CFDP1: variants seen among roughly 807,000 people sequenced by gnomAD.
CFDP1 encodes the protein heterochromatin-stabilizing protein CFDP1.
In CFDP1, 31 loss-of-function variants were observed where a neutral mutation model predicts 40.1. The ratio of observed to expected loss-of-function variants is 0.77; its 90% CI spans 0.58 to 1.04. The LOEUF (loss-of-function observed/expected upper bound fraction) is 1.04, where lower values mean the gene tolerates loss of function less well. CFDP1 is among the 50% of genes least tolerant of loss of function. The pLI is 0.00. For missense variants in CFDP1, 423 were observed against 343.4 expected (o/e 1.23, Z -1.83); for synonymous variants, 167 against 120.0 (o/e 1.39, Z -2.56).
intron 5 of CFDP1, among the ~76,000 whole-genome samples, chr16:75,387,496 AC>A (rs2151555909): frequency 6.6e-6 from 1 of 152,328 alleles, no homozygotes; most frequent in East Asian, 1.9e-4. Context: ...AAGTAAGACA[AC>A]ACCAGTACCA....
rs1264958920 is a variant in CFDP1, at chr16:75,408,866, TTTTTG to T, written c.530+2954_530+2958del. 3.3e-5 allele frequency among the ~76,000 whole-genome samples: 5 copies of T among 152,026 alleles called. No individual in the cohort carries two copies. The South Asian group carries it at 6.2e-4, about 19-fold the overall frequency. On this transcript the variant is annotated intron_variant, in intron 4 of 6. Transcript: ENST00000283882. ...TTGATATTTTACTCAGCTTTTTGTT[TTTTTG>T]TTTTGAGACAGAGTCTCGCTCTGTT...
chr16:75,381,467 G>C (rs897646942), intron 5 of CFDP1, among the ~76,000 whole-genome samples: 1 of 152,170 alleles, frequency 6.6e-6, no homozygotes, highest in Non-Finnish European at 1.5e-5. Flanking sequence ...TAGGGGCTAG[G>C]GGGAAAGACA....
intron 1 of CFDP1, among the ~76,000 whole-genome samples, 159 bp downstream of exon 1, chr16:75,433,130 A>G (rs754777039): frequency 2.0e-5 from 3 of 152,098 alleles, no homozygotes; most frequent in Non-Finnish European, 4.4e-5. Flanking sequence ...CTCGGGCCGG[A>G]GCGGCCGAGG....
At chr16:75,427,650 A>C (rs1226809616) in intron 1 of CFDP1, among the ~76,000 whole-genome samples, 1 of 152,248 alleles carries the variant, frequency 6.6e-6, no homozygotes, top group Non-Finnish European at 1.5e-5. Context: ...CAAACTTGTT[A>C]CCAACAGCAA....
chr16:75,331,673 C>T (rs1469283469), intron 5 of CFDP1, among the ~76,000 whole-genome samples: 1 of 151,928 alleles, frequency 6.6e-6, no homozygotes, highest in Non-Finnish European at 1.5e-5. Flanking sequence ...TTTCATGCAG[C>T]ACAATGTTTT....
chr16:75,328,081 G>A (rs940026903), intron 5 of CFDP1, among the ~76,000 whole-genome samples: 1 of 151,474 alleles, frequency 6.6e-6, no homozygotes, highest in Non-Finnish European at 1.5e-5. Flanking sequence ...GAACTGGGAT[G>A]TTGAGGGGCA....
intron 6 of CFDP1, among the ~76,000 whole-genome samples, chr16:75,302,746 C>T (rs907526602): frequency 8.5e-5 from 13 of 152,306 alleles, no homozygotes; most frequent in South Asian, 4.1e-4. Flanking sequence ...AGGTTTGGGG[C>T]GCATGTCAGA....
At chr16:75,307,741 T>C (rs1480954303) in intron 5 of CFDP1, among the ~76,000 whole-genome samples, 2 of 152,096 alleles carry the variant, frequency 1.3e-5, no homozygotes, top group African/African-American at 4.8e-5. Context: ...TTATGTTTTG[T>C]AGAGACAGGG....
intron 4 of CFDP1, among the ~76,000 whole-genome samples, chr16:75,396,488 C>G (rs1348715776): frequency 9.7e-6 from 1 of 103,226 alleles, no homozygotes; most frequent in African/African-American, 2.9e-5. Flanking sequence ...GCAGTGAGCT[C>G]AGACCACGCC....
chr16:75,376,203 C>A (rs1472814426), intron 5 of CFDP1, among the ~76,000 whole-genome samples: 1 of 152,090 alleles, frequency 6.6e-6, no homozygotes, highest in Non-Finnish European at 1.5e-5. Context: ...AGAGCAAGAC[C>A]CTGTCTCAGA....
At chr16:75,408,652 T>C (rs1245722240) in intron 4 of CFDP1, among the ~76,000 whole-genome samples, 1 of 151,654 alleles carries the variant, frequency 6.6e-6, no homozygotes, top group Non-Finnish European at 1.5e-5. Context: ...GGCAGGCACC[T>C]GTAATCCCAG....
chr16:75,323,434 T>C (rs1338631975), intron 5 of CFDP1, among the ~76,000 whole-genome samples: 3 of 114,616 alleles, frequency 2.6e-5, no homozygotes, highest in Non-Finnish European at 5.6e-5. Flanking sequence ...TTTACTTAAC[T>C]TTTTTTTTTT....
At position 75,388,972 on chromosome 16, in the gene CFDP1, T is replaced by A. The variant is rs114390952; in HGVS notation, c.650+6118A>T. On this transcript the variant is annotated intron_variant, in intron 5 of 6. Coordinates refer to ENST00000283882, the MANE Select transcript of CFDP1 (RefSeq NM_006324.3). ...TCAAGAAAACAAGGCTAAAACTACATGGGAAAATGATGTCTTTCCCTCTTA... is the reference window on the plus strand; with the variant it reads ...TCAAGAAAACAAGGCTAAAACTACAAGGGAAAATGATGTCTTTCCCTCTTA... 3.2e-3 allele frequency among the ~76,000 whole-genome samples: 489 copies of A among 151,882 alleles called. 2 individuals are homozygous for A. Among genetic ancestry groups the A allele is most frequent in the African/African-American group, 0.011 (472 of 41,368 alleles).
intron 4 of CFDP1, among the ~76,000 whole-genome samples, chr16:75,402,091 T>C (rs536943618): frequency 2.3e-4 from 35 of 152,302 alleles, no homozygotes; most frequent in African/African-American, 7.7e-4. Flanking sequence ...CAAGTAATAT[T>C]ACAGATTACT....
At chr16:75,374,208 G>A (rs552062578) in intron 5 of CFDP1, among the ~76,000 whole-genome samples, 31 of 151,962 alleles carry the variant, frequency 2.0e-4, no homozygotes, top group African/African-American at 5.8e-4. Context: ...AACCGAGATC[G>A]CGCCACTGCA....
intron 5 of CFDP1, among the ~76,000 whole-genome samples, chr16:75,320,123 A>C (rs1169276466): frequency 6.6e-6 from 1 of 152,198 alleles, no homozygotes; most frequent in Admixed American, 6.5e-5. Flanking sequence ...TTCTTTCCTT[A>C]ATCTGCTAGC....
intron 5 of CFDP1, among the ~76,000 whole-genome samples, chr16:75,307,076 G>C (rs1002785906): frequency 1.3e-5 from 2 of 151,810 alleles, no homozygotes; most frequent in East Asian, 1.9e-4. Flanking sequence ...TGGTCTCCCT[G>C]ACCTGTTTTT....
intron 5 of CFDP1, chr16:75,305,491 A>T (rs2078250977): frequency 7.0e-6 from 2 of 286,646 alleles, no homozygotes; most frequent in Admixed American, 4.6e-5. Flanking sequence ...GCAGCGCTTC[A>T]GGCAGGGCTT....
intron 1 of CFDP1, chr16:75,419,055 A>G (rs777027484): frequency 2.1e-5 from 9 of 419,666 alleles, no homozygotes; most frequent in African/African-American, 1.8e-4. Flanking sequence ...AGGCAGGAGG[A>G]TCACTTGAGC....
Sources: gnomAD v4.1 joint callset for allele counts (sites outside exome capture counted in the v4.1 genomes callset) on GRCh38, gnomAD v4.1.1 for gene constraint, MANE v1.5 for transcripts, NCBI Gene and HGNC (gene_info 2026-07-23, HGNC 2026-07-21) for gene names.